The following ZNF521 variants were observed in gnomAD, a reference collection of about 807,000 sequenced individuals.
The protein encoded by ZNF521 is LYST-interacting protein 3.
Under a neutral mutation model 105.5 loss-of-function variants are expected in ZNF521, and 14 were observed. The ratio of observed to expected loss-of-function variants is 0.13; its 90% CI spans 0.09 to 0.21. The LOEUF (loss-of-function observed/expected upper bound fraction) is 0.21, where lower values mean the gene tolerates loss of function less well. Ranked by LOEUF, ZNF521 falls within the 10% of genes least tolerant of loss-of-function variation. The probability of loss-of-function intolerance (pLI) is 1.00; values close to 1 mark genes in which losing one functional copy is unlikely to be tolerated. For synonymous variants in ZNF521, 635 were observed against 606.0 expected (o/e 1.05, Z -0.70); for missense variants, 1,233 against 1,629.7 (o/e 0.76, Z 4.19).
At chr18:25,316,987 T>C (rs960908845) in intron 3 of ZNF521, among the ~76,000 whole-genome samples, 9 of 151,954 alleles carry the variant, frequency 5.9e-5, no homozygotes, top group South Asian at 4.1e-4. Flanking sequence ...CCAAAGTAGC[T>C]GTGACTACAG....
intron 5 of ZNF521, among the ~76,000 whole-genome samples, chr18:25,145,402 T>C (rs1372988280): frequency 1.3e-5 from 2 of 152,184 alleles, no homozygotes; most frequent in African/African-American, 2.4e-5. Context: ...TTTGGTGTTA[T>C]CGATCTATAG....
chr18:25,161,048 C>A (rs1021353245), intron 5 of ZNF521, among the ~76,000 whole-genome samples: 1 of 152,038 alleles, frequency 6.6e-6, no homozygotes. Flanking sequence ...ACAGATGTGG[C>A]ATGAGACCTC....
rs79067711 is a variant in ZNF521 at position 25,275,802 on chromosome 18, C to A, written c.220+46206G>T. 9.8e-3 allele frequency among the ~76,000 whole-genome samples: 1,492 copies of A among 152,274 alleles called. 28 individuals carry two copies. The highest frequency in any genetic ancestry group is 0.032 in the African/African-American group (1,341 of 41,558). Reference sequence around the variant, plus strand: ...CACGGAGACAGGAAGCTTGGGCCTCCAGGGGTGACCCTTTTTGCAGCTGTG... The same window carrying A: ...CACGGAGACAGGAAGCTTGGGCCTCAAGGGGTGACCCTTTTTGCAGCTGTG... On this transcript the variant is annotated intron_variant, in intron 3 of 7. Transcript: ENST00000361524.
At chr18:25,114,522 G>A (rs1183400481) in intron 5 of ZNF521, among the ~76,000 whole-genome samples, 1 of 152,146 alleles carries the variant, frequency 6.6e-6, no homozygotes, top group Non-Finnish European at 1.5e-5. Context: ...GGAGAGAATA[G>A]CATAGTGGGC....
intron 7 of ZNF521, among the ~76,000 whole-genome samples, chr18:25,069,001 T>G (rs1255014402): frequency 6.6e-6 from 1 of 152,232 alleles, no homozygotes; most frequent in Non-Finnish European, 1.5e-5. Flanking sequence ...TAGAAGAATT[T>G]CTTTGTGAAG....
At chr18:25,207,328 T>C (rs2036099854) in intron 4 of ZNF521, among the ~76,000 whole-genome samples, 1 of 126,584 alleles carries the variant, frequency 7.9e-6, no homozygotes, top group East Asian at 2.3e-4. Context: ...GGCGGCTCAT[T>C]TACAAAAAGG....
chr18:25,342,700 T>C (rs995581973), intron 2 of ZNF521, among the ~76,000 whole-genome samples: 8 of 152,154 alleles, frequency 5.3e-5, no homozygotes, highest in African/African-American at 1.7e-4. Context: ...AGTGCTGGGA[T>C]TACAGGCGTG....
intron 7 of ZNF521, among the ~76,000 whole-genome samples, chr18:25,065,879 G>A (rs1175248563): frequency 6.6e-6 from 1 of 152,196 alleles, no homozygotes; most frequent in Non-Finnish European, 1.5e-5. Flanking sequence ...CTCTTCAGAG[G>A]TGCAAGGACA....
At chr18:25,247,313 A>G (rs962551143) in intron 3 of ZNF521, among the ~76,000 whole-genome samples, 1 of 152,174 alleles carries the variant, frequency 6.6e-6, no homozygotes, top group African/African-American at 2.4e-5. Flanking sequence ...CGAACATATA[A>G]TAGCCACCAA....
intron 3 of ZNF521, among the ~76,000 whole-genome samples, chr18:25,273,973 C>A (rs1005177729): frequency 1.3e-5 from 2 of 152,114 alleles, no homozygotes; most frequent in African/African-American, 4.8e-5. Flanking sequence ...ATCTCACAGA[C>A]CAAGAAGCTG....
Position 25,224,369 on chromosome 18 carries a change from T to G in ZNF521, c.3549A>C (p.Arg1183Ser). Residue 1183 changes from arginine (R) to serine (S), a missense_variant, in exon 4 of 8, where the codon AGA becomes AGC. Around this residue, in one of 6 missense-constraint regions of ZNF521, gnomAD observed 614 missense variants for 751.5 expected, o/e 0.82. Transcript: ENST00000361524. ...CCTCATCCGACTGGGAGGGACTGATTCTGGGCATTGGTGATACTTGGGGCG... is the reference window on the plus strand; with the variant it reads ...CCTCATCCGACTGGGAGGGACTGATGCTGGGCATTGGTGATACTTGGGGCG... ...LKTPQVSPMP[R>S]ISPSQSDEKK... is the part of the protein sequence containing the mutation. The G allele has an allele frequency of 6.2e-7, 1 of 1,612,956 alleles. No homozygotes were observed. Among genetic ancestry groups the G allele is most frequent in the Non-Finnish European group, 8.5e-7 (1 of 1,179,256 alleles).
intron 2 of ZNF521, among the ~76,000 whole-genome samples, chr18:25,346,983 C>T (rs565555439): frequency 1.3e-5 from 2 of 152,154 alleles, no homozygotes; most frequent in South Asian, 4.2e-4. Context: ...TTTTACAGTG[C>T]TTTTTGGAGT....
At chr18:25,303,209 C>T (rs1289735933) in intron 3 of ZNF521, among the ~76,000 whole-genome samples, 1 of 151,438 alleles carries the variant, frequency 6.6e-6, no homozygotes, top group Non-Finnish European at 1.5e-5. Context: ...AGTTCCCAAA[C>T]CAGCTCTGGA....
At chr18:25,306,564 T>C (rs12604629) in intron 3 of ZNF521, among the ~76,000 whole-genome samples, 17,648 of 152,104 alleles carry the variant, frequency 0.12, 2,362 homozygotes, top group African/African-American at 0.31. Context: ...GCATTAAACC[T>C]TGTATGTCAA....
At chr18:25,206,611 T>C (rs953963768) in intron 4 of ZNF521, among the ~76,000 whole-genome samples, 11 of 152,202 alleles carry the variant, frequency 7.2e-5, no homozygotes, top group African/African-American at 2.4e-4. Context: ...ATTACCTTTG[T>C]TCTTTATAAC....
At chr18:25,082,941 A>G (rs1159531188) in intron 7 of ZNF521, among the ~76,000 whole-genome samples, 4 of 151,876 alleles carry the variant, frequency 2.6e-5, no homozygotes, top group Admixed American at 6.6e-5. Flanking sequence ...GATGAGGGTT[A>G]CTTCCTTTGG....
At chr18:25,076,289 G>A (rs543072075) in intron 7 of ZNF521, among the ~76,000 whole-genome samples, 1 of 152,324 alleles carries the variant, frequency 6.6e-6, no homozygotes, top group Admixed American at 6.5e-5. Flanking sequence ...GTTTATCCCA[G>A]TTGTTTTTCA....
chr18:25,097,682 T>C (rs2033881332), intron 5 of ZNF521, among the ~76,000 whole-genome samples: 1 of 152,110 alleles, frequency 6.6e-6, no homozygotes, highest in Non-Finnish European at 1.5e-5. Context: ...ACCCTGACTG[T>C]GTGCACAAAG....
chr18:25,274,394 C>G (rs1469124626), intron 3 of ZNF521, among the ~76,000 whole-genome samples: 1 of 152,188 alleles, frequency 6.6e-6, no homozygotes, highest in Non-Finnish European at 1.5e-5. Context: ...CCAGAGTCAG[C>G]TGACTATCAG....
Sources: allele counts gnomAD v4.1 joint callset (sites outside exome capture counted in the v4.1 genomes callset), GRCh38; gene constraint gnomAD v4.1.1; regional missense constraint gnomAD v4.1.1; transcripts MANE v1.5; gene names NCBI Gene and HGNC (gene_info 2026-07-23, HGNC 2026-07-21).